The following PLEKHA6 variants were observed in gnomAD, a reference collection of about 807,000 sequenced individuals.
The protein encoded by PLEKHA6 is pleckstrin homology domain-containing family A member 6.
PLEKHA6 carries 60 observed loss-of-function variants against 116.7 expected under a neutral mutation model. That is an observed-to-expected ratio of 0.51 (90% CI 0.42 to 0.64). The LOEUF is 0.64. Ranked by LOEUF, PLEKHA6 falls within the 30% of genes least tolerant of loss-of-function variation. PLEKHA6 has a pLI of 0.00. For synonymous variants in PLEKHA6, 489 were observed against 556.1 expected (o/e 0.88, Z 1.70); for missense variants, 1,338 against 1,422.7 (o/e 0.94, Z 0.96).
intron 1 of PLEKHA6, among the ~76,000 whole-genome samples, chr1:204,332,403 G>A (rs759912370): frequency 2.0e-5 from 3 of 151,940 alleles, no homozygotes; most frequent in Non-Finnish European, 4.4e-5. Context: ...ACAGAGTCTC[G>A]CTGTGTCACC....
chr1:204,264,049 A>G (rs1666482677), intron 6 of PLEKHA6, among the ~76,000 whole-genome samples: 1 of 152,198 alleles, frequency 6.6e-6, no homozygotes. Context: ...AAGCTCAAGG[A>G]GTGACCTACA....
chr1:204,228,098 C>A lies in PLEKHA6; in HGVS notation c.3016G>T (p.Gly1006Cys). ...CCCCTCTCACCAGACAGCATGCGGC[C>A]CCTGCGGGAGGCCTCGGTCGCCAGG... ...CALATEASRR[G>C]RMLSVQCATP... The change falls in exon 21 of 23, where the codon GGC becomes TGC. Residue 1006 changes from glycine (G) to cysteine (C), a missense_variant. Coordinates refer to ENST00000272203, the MANE Select transcript of PLEKHA6 (RefSeq NM_014935.5). This position sits in a 1 kb window ranked among gnomAD's most constrained non-coding sequence, Gnocchi z 4.0. 1.6e-5 allele frequency: 25 copies of A among 1,612,688 alleles called. No individual in the cohort carries two copies. Among genetic ancestry groups the A allele is most frequent in the Non-Finnish European group, 2.1e-5 (25 of 1,179,320 alleles).
At chr1:204,255,309 TCG>T (rs1443899680) in intron 9 of PLEKHA6, among the ~76,000 whole-genome samples, 1 of 152,118 alleles carries the variant, frequency 6.6e-6, no homozygotes, top group African/African-American at 2.4e-5. Flanking sequence ...CTCCCTCCTC[TCG>T]CCAGAAAAAA....
chr1:204,253,707 G>A (rs1664871476), intron 9 of PLEKHA6, among the ~76,000 whole-genome samples: 1 of 152,002 alleles, frequency 6.6e-6, no homozygotes, highest in African/African-American at 2.4e-5. Context: ...CTGCACACCT[G>A]TCTGTAGTCC....
upstream of PLEKHA6, among the ~76,000 whole-genome samples, chr1:204,361,294 C>A (rs1216459835): frequency 7.2e-5 from 11 of 152,202 alleles, no homozygotes; most frequent in African/African-American, 2.2e-4. Flanking sequence ...GTACATATAT[C>A]ATTTTTACCA....
Position 204,223,674 on chromosome 1 carries a change from G to A in PLEKHA6, c.3032-89C>T, listed in dbSNP as rs1659949660. ...AGCAAGCGAGGCCCTCCCCAGGCAG[G>A]GAGTGAGGCAGGGAGGCAAGCGAAG... On this transcript the variant is annotated intron_variant, in intron 21 of 22. Coordinates refer to ENST00000272203, the MANE Select transcript of PLEKHA6 (RefSeq NM_014935.5). This position sits in a 1 kb window ranked among gnomAD's most constrained non-coding sequence, Gnocchi z 4.8. 3.1e-6 allele frequency: 2 copies of A among 651,342 alleles called. No individual in the cohort carries two copies. Among genetic ancestry groups the A allele is most frequent in the South Asian group, 1.8e-5 (1 of 55,398 alleles). 40.3% of individuals were successfully genotyped at this position (651,342 alleles called of 1,614,324 possible).
At chr1:204,275,230 G>GA (rs1454531668) in intron 1 of PLEKHA6, among the ~76,000 whole-genome samples, 1 of 152,124 alleles carries the variant, frequency 6.6e-6, no homozygotes, top group Non-Finnish European at 1.5e-5. Flanking sequence ...ATTATTTGCT[G>GA]AAAAAACTTT....
Position 204,228,265 on chromosome 1 carries a change from A to G in PLEKHA6, c.2886-37T>C. The G allele has an allele frequency of 6.4e-7, 1 of 1,558,728 alleles. No homozygotes were observed. The highest frequency in any genetic ancestry group is 8.7e-7 in the Non-Finnish European group (1 of 1,147,130). Reference sequence around the variant, plus strand: ...CAGACACACAGAAATGGAGGGAGGGACAGGATGGTCCAAGTGGCTTGAGGG... The same window carrying G: ...CAGACACACAGAAATGGAGGGAGGGGCAGGATGGTCCAAGTGGCTTGAGGG... On this transcript the variant is annotated intron_variant, in intron 20 of 22. Transcript: ENST00000272203. The surrounding 1 kb of genome is among the most constrained non-coding windows in gnomAD (Gnocchi z 4.0).
At chr1:204,338,893 G>A (rs758960413) in intron 1 of PLEKHA6, among the ~76,000 whole-genome samples, 4 of 152,178 alleles carry the variant, frequency 2.6e-5, no homozygotes, top group Non-Finnish European at 5.9e-5. Flanking sequence ...AAGAGTGGAA[G>A]ACCAAAAAGG....
chr1:204,274,332 T>C (rs1667795929), intron 2 of PLEKHA6, among the ~76,000 whole-genome samples: 1 of 152,238 alleles, frequency 6.6e-6, no homozygotes, highest in Non-Finnish European at 1.5e-5. Context: ...AGTAGATTAA[T>C]TATCCTCTTT....
intron 1 of PLEKHA6, among the ~76,000 whole-genome samples, chr1:204,359,041 C>G (rs1044147907): frequency 1.3e-5 from 2 of 151,894 alleles, no homozygotes; most frequent in Non-Finnish European, 2.9e-5. Context: ...TAGCTGGCTG[C>G]AGCCTGGTCC....
intron 1 of PLEKHA6, chr1:204,307,888 C>A: frequency 2.0e-6 from 2 of 985,334 alleles, no homozygotes; most frequent in Non-Finnish European, 2.4e-6. Context: ...CACTCAGGAT[C>A]GAGGCAATAA....
intron 1 of PLEKHA6, among the ~76,000 whole-genome samples, chr1:204,283,147 G>T (rs1160445552): frequency 6.6e-6 from 1 of 152,156 alleles, no homozygotes; most frequent in Non-Finnish European, 1.5e-5. Context: ...TAACTCAGCA[G>T]ATCTGCTTCT....
upstream of PLEKHA6, among the ~76,000 whole-genome samples, chr1:204,364,341 A>G (rs1457713773): frequency 1.3e-5 from 2 of 152,220 alleles, no homozygotes; most frequent in Non-Finnish European, 1.5e-5. Context: ...CAAGGTGCCA[A>G]GGATGCTGGG....
At chr1:204,329,282 A>G (rs749659839) in intron 1 of PLEKHA6, among the ~76,000 whole-genome samples, 43 of 152,220 alleles carry the variant, frequency 2.8e-4, no homozygotes, top group Non-Finnish European at 5.9e-4. Context: ...GACTCTTTCC[A>G]GGACCTTCAA....
chr1:204,347,009 T>C lies in PLEKHA6; in HGVS notation c.-95+12685A>G, dbSNP rs553470218. On this transcript the variant is annotated intron_variant, in intron 1 of 22. Coordinates refer to ENST00000272203, the MANE Select transcript of PLEKHA6 (RefSeq NM_014935.5). ...CGCACATTAATTCTCTTGGCAAGAA[T>C]CTTGCCTTTAACTTGTTTGTTTACA... The C allele has an allele frequency of 1.1e-4, 157 of 1,376,528 alleles. No individual in the cohort carries two copies. In the African/African-American group the frequency reaches 1.7e-3, roughly 15 times the overall value. 85.3% of individuals were successfully genotyped at this position (1,376,528 alleles called of 1,614,324 possible). A position where few individuals can be genotyped will look rare whatever the true frequency, so the allele number is the denominator to read the frequency against.
chr1:204,258,970 T>C (rs1665727821), intron 8 of PLEKHA6, among the ~76,000 whole-genome samples: 1 of 152,212 alleles, frequency 6.6e-6, no homozygotes, highest in Non-Finnish European at 1.5e-5. Context: ...CCTGCTGTGT[T>C]CTGGGCTCCC....
At chr1:204,283,611 T>C (rs1013320593) in intron 1 of PLEKHA6, among the ~76,000 whole-genome samples, 2 of 152,200 alleles carry the variant, frequency 1.3e-5, no homozygotes, top group Admixed American at 1.3e-4. Context: ...GGCTCCCTTC[T>C]TTCTGTTCCT....
At chr1:204,334,292 T>C (rs1167022065) in intron 1 of PLEKHA6, among the ~76,000 whole-genome samples, 2 of 152,150 alleles carry the variant, frequency 1.3e-5, no homozygotes, top group East Asian at 3.9e-4. Context: ...GCAAAGCCTT[T>C]GTATCCTGCT....
Sources: gnomAD v4.1 joint callset for allele counts (sites outside exome capture counted in the v4.1 genomes callset) on GRCh38, gnomAD v4.1.1 for gene constraint, Gnocchi (gnomAD v3.1) non-coding constraint, MANE v1.5 for transcripts, NCBI Gene and HGNC (gene_info 2026-07-23, HGNC 2026-07-21) for gene names.